The following ROBO1 variants were observed in gnomAD, a reference collection of about 807,000 sequenced individuals.
ROBO1 encodes roundabout guidance receptor 1.
Under a neutral mutation model 195.9 loss-of-function variants are expected in ROBO1, and 149 were observed. The ratio of observed to expected loss-of-function variants is 0.76; its 90% CI spans 0.67 to 0.87. ROBO1 has a LOEUF of 0.87. ROBO1 is among the 40% of genes least tolerant of loss of function. The probability of loss-of-function intolerance (pLI) is 0.00; values close to 1 mark genes in which losing one functional copy is unlikely to be tolerated. For synonymous variants in ROBO1, 816 were observed against 733.2 expected (o/e 1.11, Z -1.82); for missense variants, 1,933 against 2,068.3 (o/e 0.93, Z 1.27).
intron 2 of ROBO1, among the ~76,000 whole-genome samples, chr3:79,175,486 T>C (rs1162612224): frequency 6.6e-6 from 1 of 152,190 alleles, no homozygotes; most frequent in Non-Finnish European, 1.5e-5. Context: ...TGGATCAAAT[T>C]AACCTTAGCA....
At chr3:79,186,109 T>C (rs536483042) in intron 2 of ROBO1, among the ~76,000 whole-genome samples, 2 of 152,246 alleles carry the variant, frequency 1.3e-5, no homozygotes, top group Admixed American at 1.3e-4. Context: ...GTGACAGTTT[T>C]TGTGTTATTA....
chr3:79,023,992 G>A (rs559167391), intron 3 of ROBO1, among the ~76,000 whole-genome samples: 2 of 151,740 alleles, frequency 1.3e-5, no homozygotes, highest in Non-Finnish European at 2.9e-5. Flanking sequence ...TTACAGGCGT[G>A]AGCCACCGCG....
intron 3 of ROBO1, among the ~76,000 whole-genome samples, chr3:79,085,492 G>T (rs948169896): frequency 6.6e-6 from 1 of 152,106 alleles, no homozygotes; most frequent in Non-Finnish European, 1.5e-5. Context: ...GGGCGGATAG[G>T]CAAGGTTAGG....
intron 2 of ROBO1, among the ~76,000 whole-genome samples, chr3:79,495,017 A>ATAGG (rs1303950595): frequency 2.9e-5 from 4 of 137,618 alleles, no homozygotes; most frequent in African/African-American, 1.0e-4. Flanking sequence ...AGATTGACAG[A>ATAGG]TAGGTAGATA....
intron 4 of ROBO1, among the ~76,000 whole-genome samples, chr3:78,860,326 A>ATATATATATATATATATATATAT (rs376853384): frequency 2.4e-4 from 22 of 93,490 alleles, no homozygotes; most frequent in African/African-American, 1.4e-4. Flanking sequence ...ATATATATAT[A>ATATATATATATATATATATATAT]TTTTTTTTTT....
intron 29 of ROBO1, among the ~76,000 whole-genome samples, chr3:78,601,458 C>T (rs1348697770): frequency 6.6e-6 from 1 of 152,200 alleles, no homozygotes. Context: ...AGGAGTTTCA[C>T]AGTCCATGAG....
rs147877198 is a variant in ROBO1 at position 79,713,716 on chromosome 3, T to C, written c.-51+54036A>G. ...TGCCTAGGTTTTCTTCTAGGGTTTTTATGGTTTTAGGTCTAACATGTAAGT... is the reference window on the plus strand; with the variant it reads ...TGCCTAGGTTTTCTTCTAGGGTTTTCATGGTTTTAGGTCTAACATGTAAGT... On this transcript the variant is annotated intron_variant, in intron 1 of 30. Coordinates refer to ENST00000464233, the MANE Select transcript of ROBO1 (RefSeq NM_002941.4). Among the ~76,000 whole-genome samples the C allele has an allele frequency of 8.8e-3, 1,344 of 152,310 alleles. 14 individuals carry two copies. Among genetic ancestry groups the C allele is most frequent in the African/African-American group, 0.031 (1,293 of 41,582 alleles).
intron 3 of ROBO1, among the ~76,000 whole-genome samples, chr3:79,040,976 A>G (rs566979091): frequency 6.6e-5 from 10 of 152,184 alleles, no homozygotes; most frequent in South Asian, 4.2e-4. Flanking sequence ...TGACATCCTC[A>G]TGAGCCTTGG....
chr3:79,607,051 T>A lies in ROBO1; in HGVS notation c.-50-17090A>T, dbSNP rs573537761. On this transcript the variant is annotated intron_variant, in intron 1 of 30. Coordinates refer to ENST00000464233, the MANE Select transcript of ROBO1 (RefSeq NM_002941.4). ...TATAATTAAGCATAATACAGTTAATTTTATTATTGCTTTTCTATTTTTCAA... is the reference window on the plus strand; with the variant it reads ...TATAATTAAGCATAATACAGTTAATATTATTATTGCTTTTCTATTTTTCAA... Among the ~76,000 whole-genome samples the A allele has an allele frequency of 9.3e-5, 14 of 150,966 alleles. No homozygotes were observed. In the East Asian group the frequency reaches 2.8e-3, roughly 30 times the overall value.
chr3:78,846,952 G>A (rs1247403014), intron 4 of ROBO1, among the ~76,000 whole-genome samples: 2 of 152,112 alleles, frequency 1.3e-5, no homozygotes, highest in African/African-American at 2.4e-5. Context: ...TCAGATCCAA[G>A]GGGAAACACA....
chr3:78,965,051 T>G (rs1019329121), intron 3 of ROBO1, among the ~76,000 whole-genome samples: 4 of 151,978 alleles, frequency 2.6e-5, no homozygotes, highest in African/African-American at 4.8e-5. Flanking sequence ...CTCTAAAAAT[T>G]TTTATAAACC....
chr3:79,413,023 G>C (rs1035290646), intron 2 of ROBO1, among the ~76,000 whole-genome samples: 2 of 150,168 alleles, frequency 1.3e-5, no homozygotes, highest in African/African-American at 2.4e-5. Flanking sequence ...CCTTCTGTTT[G>C]GGACCAAATT....
At chr3:78,634,109 C>T in intron 23 of ROBO1, 67 bp from the exon 24 acceptor site, 1 of 1,053,662 alleles carries the variant, frequency 9.5e-7, no homozygotes, top group Non-Finnish European at 1.4e-6. Context: ...CACATCTCTG[C>T]TTTCTCTATA....
intron 4 of ROBO1, among the ~76,000 whole-genome samples, chr3:78,833,982 G>A (rs1233390923): frequency 1.3e-5 from 2 of 152,144 alleles, no homozygotes; most frequent in Admixed American, 6.6e-5. Context: ...GAGAGAAGGG[G>A]ATGGGAAGCT....
chr3:79,643,228 A>G (rs928876226), intron 1 of ROBO1, among the ~76,000 whole-genome samples: 8 of 152,174 alleles, frequency 5.3e-5, no homozygotes, highest in African/African-American at 1.9e-4. Context: ...CTTGGACACC[A>G]GTGGTTTGCC....
chr3:78,653,604 T>C (rs1308649465), intron 18 of ROBO1, among the ~76,000 whole-genome samples: 4 of 152,194 alleles, frequency 2.6e-5, no homozygotes, highest in Non-Finnish European at 4.4e-5. Flanking sequence ...GTCTCATGGG[T>C]CTGTGAGTAA....
At position 78,717,136 on chromosome 3, in the gene ROBO1, A is replaced by T. The variant is rs199753750; in HGVS notation, c.917+139T>A. On this transcript the variant is annotated intron_variant, in intron 7 of 30. Transcript: ENST00000464233. ...GCAGGATGGCAACCTCCTGCTTCTAATTATCTCCAGTATTGTATCTGGCCC... is the reference window on the plus strand; with the variant it reads ...GCAGGATGGCAACCTCCTGCTTCTATTTATCTCCAGTATTGTATCTGGCCC... 3 of 837,082 alleles carry T rather than the reference A, an allele frequency of 3.6e-6. No individual in the cohort carries two copies. In the East Asian group the frequency reaches 8.7e-5, roughly 24 times the overall value. 51.9% of individuals were successfully genotyped at this position (837,082 alleles called of 1,614,324 possible). A position where few individuals can be genotyped will look rare whatever the true frequency, so the allele number is the denominator to read the frequency against.
At chr3:78,658,755 T>C (rs894029738) in intron 17 of ROBO1, among the ~76,000 whole-genome samples, 1 of 152,222 alleles carries the variant, frequency 6.6e-6, no homozygotes, top group Non-Finnish European at 1.5e-5. Context: ...TAATATAGTT[T>C]CAATACATAA....
At chr3:79,021,347 G>A (rs1321363844) in intron 3 of ROBO1, among the ~76,000 whole-genome samples, 1 of 152,150 alleles carries the variant, frequency 6.6e-6, no homozygotes, top group Non-Finnish European at 1.5e-5. Flanking sequence ...TGTAGTACTT[G>A]AGAGAAAGAG....
Sources: gnomAD v4.1 joint callset for allele counts (sites outside exome capture counted in the v4.1 genomes callset) on GRCh38, gnomAD v4.1.1 for gene constraint, MANE v1.5 for transcripts, NCBI Gene and HGNC (gene_info 2026-07-23, HGNC 2026-07-21) for gene names.